KLF12: variants seen among roughly 807,000 people sequenced by gnomAD.
KLF12 encodes KLF transcription factor 12.
Under a neutral mutation model 37.8 loss-of-function variants are expected in KLF12, and 9 were observed. That is an observed-to-expected ratio of 0.24 (90% CI 0.14 to 0.42). KLF12 has a LOEUF of 0.42. Ranked by LOEUF, KLF12 falls within the 10% of genes least tolerant of loss-of-function variation. KLF12 has a pLI of 1.00. For synonymous variants in KLF12, 208 were observed against 202.1 expected (o/e 1.03, Z -0.25); for missense variants, 411 against 516.0 (o/e 0.80, Z 1.97).
intron 1 of KLF12, among the ~76,000 whole-genome samples, chr13:74,006,879 T>C (rs181958705): frequency 6.6e-6 from 1 of 152,212 alleles, no homozygotes; most frequent in African/African-American, 2.4e-5. Context: ...ATCTCTAGTC[T>C]CTGCTCTTTC....
chr13:74,297,451 T>G, the KLF12 span, among the ~76,000 whole-genome samples: 1 of 152,248 alleles, frequency 6.6e-6, no homozygotes, highest in Non-Finnish European at 1.5e-5. Context: ...TTCAATTTGC[T>G]TTGTTCAGGA....
Position 73,912,720 on chromosome 13 carries a change from G to A in KLF12, c.123+31261C>T, listed in dbSNP as rs144690844. On this transcript the variant is annotated intron_variant, in intron 3 of 7. Transcript: ENST00000377669. ...TGTTCCTTTAAGACACCACGTTTGT[G>A]GTCATTTGTTAAGGCAGCTCTTAGG... Among the ~76,000 whole-genome samples the A allele has an allele frequency of 9.7e-3, 1,481 of 152,254 alleles. 15 individuals carry two copies. The highest frequency in any genetic ancestry group is 0.016 in the Non-Finnish European group (1,104 of 68,004).
chr13:74,141,876 T>C, the KLF12 span, among the ~76,000 whole-genome samples: 101 of 152,344 alleles, frequency 6.6e-4, no homozygotes, highest in South Asian at 0.021. Context: ...GTTGCCTTTT[T>C]ACTATGTAAT....
At chr13:73,753,156 C>T (rs908411767) in intron 6 of KLF12, among the ~76,000 whole-genome samples, 3 of 152,100 alleles carry the variant, frequency 2.0e-5, no homozygotes, top group Non-Finnish European at 2.9e-5. Flanking sequence ...CCGCGGTCCC[C>T]GTCCCACCCA....
rs1238845641 is a variant in KLF12, at chr13:73,690,840, A to G, written c.*4650T>C. The G allele has an allele frequency of 6.6e-6, 1 of 152,638 alleles. No individual in the cohort carries two copies. The highest frequency in any genetic ancestry group is 1.5e-5 in the Non-Finnish European group (1 of 68,028). The allele number at this position is 152,638 out of a possible 1,614,324, so 9.5% of individuals were successfully genotyped here. A position where few individuals can be genotyped will look rare whatever the true frequency, so the allele number is the denominator to read the frequency against. Reference sequence around the variant, plus strand: ...TTCCACTATCACATATGTTACGAATACAGTAAAATATCTTCACTCTATTTT... The same window carrying G: ...TTCCACTATCACATATGTTACGAATGCAGTAAAATATCTTCACTCTATTTT... On this transcript the variant is annotated 3_prime_UTR_variant, in exon 8 of 8. Coordinates refer to ENST00000377669, the MANE Select transcript of KLF12 (RefSeq NM_007249.5).
intron 1 of KLF12, among the ~76,000 whole-genome samples, chr13:74,094,566 T>C (rs1414198447): frequency 6.6e-6 from 1 of 151,822 alleles, no homozygotes; most frequent in Non-Finnish European, 1.5e-5. Context: ...AGTAAATGCC[T>C]TTCCACCCCA....
intron 1 of KLF12, among the ~76,000 whole-genome samples, chr13:74,072,351 A>C (rs1874300587): frequency 7.5e-6 from 1 of 132,610 alleles, no homozygotes; most frequent in Non-Finnish European, 1.6e-5. Flanking sequence ...CTTTTTAAGA[A>C]TTAAGAAATA....
chr13:74,213,139 C>G, the KLF12 span, among the ~76,000 whole-genome samples: 1 of 152,020 alleles, frequency 6.6e-6, no homozygotes, highest in African/African-American at 2.4e-5. Context: ...TAAATTTTAT[C>G]TTATATTACT....
chr13:74,140,160 G>C, the KLF12 span, among the ~76,000 whole-genome samples: 321 of 152,184 alleles, frequency 2.1e-3, no homozygotes, highest in Middle Eastern at 0.01. Context: ...TTGTGTTACT[G>C]AAACAGAGAA....
At chr13:73,932,424 T>A (rs1889729125) in intron 3 of KLF12, among the ~76,000 whole-genome samples, 1 of 152,210 alleles carries the variant, frequency 6.6e-6, no homozygotes, top group African/African-American at 2.4e-5. Context: ...CCAGGTCGAA[T>A]GCCTTCAGAG....
At chr13:74,052,191 T>C (rs1030125918) in intron 1 of KLF12, among the ~76,000 whole-genome samples, 5 of 152,248 alleles carry the variant, frequency 3.3e-5, no homozygotes, top group South Asian at 2.1e-4. Flanking sequence ...AATTAAACCA[T>C]AGTCTATAAA....
At chr13:73,721,081 C>T (rs1488353823) in intron 6 of KLF12, among the ~76,000 whole-genome samples, 1 of 152,192 alleles carries the variant, frequency 6.6e-6, no homozygotes, top group African/African-American at 2.4e-5. Context: ...GGGTGTCAGG[C>T]ACCGACCTAA....
intron 1 of KLF12, among the ~76,000 whole-genome samples, chr13:74,098,044 G>C (rs1359908080): frequency 6.6e-6 from 1 of 152,098 alleles, no homozygotes; most frequent in Non-Finnish European, 1.5e-5. Context: ...CTATCAAATA[G>C]ATATTTAGAA....
At chr13:74,077,559 A>AG (rs1874639598) in intron 1 of KLF12, among the ~76,000 whole-genome samples, 1 of 152,184 alleles carries the variant, frequency 6.6e-6, no homozygotes, top group African/African-American at 2.4e-5. Flanking sequence ...CCTAAGAGCA[A>AG]GAAGTCCCAA....
intron 3 of KLF12, among the ~76,000 whole-genome samples, chr13:73,941,467 G>A (rs1890182482): frequency 6.6e-6 from 1 of 152,138 alleles, no homozygotes; most frequent in Non-Finnish European, 1.5e-5. Context: ...TCACTAATGT[G>A]TTTTTCTTAC....
At chr13:73,787,219 C>T (rs1046732760) in intron 5 of KLF12, among the ~76,000 whole-genome samples, 1 of 151,922 alleles carries the variant, frequency 6.6e-6, no homozygotes, top group Non-Finnish European at 1.5e-5. Flanking sequence ...GCTTTTTTGC[C>T]AGGGACTGTT....
the KLF12 span, among the ~76,000 whole-genome samples, chr13:74,249,013 A>G: frequency 1.3e-5 from 2 of 152,060 alleles, no homozygotes. Context: ...AATTGGAAAG[A>G]TGGGAAGTAA....
chr13:73,800,460 C>T (rs1566376602), intron 5 of KLF12: 1 of 152,016 alleles, frequency 6.6e-6, no homozygotes, highest in Non-Finnish European at 1.5e-5. Flanking sequence ...ATTTGAATTG[C>T]TTCTATAAGC....
At chr13:73,757,697 A>C (rs1879265706) in intron 6 of KLF12, among the ~76,000 whole-genome samples, 1 of 152,178 alleles carries the variant, frequency 6.6e-6, no homozygotes, top group African/African-American at 2.4e-5. Context: ...CAGTATTTCC[A>C]GCAAATGCAT....
Sources: gnomAD v4.1 joint callset for allele counts (sites outside exome capture counted in the v4.1 genomes callset) on GRCh38, gnomAD v4.1.1 for gene constraint, MANE v1.5 for transcripts, NCBI Gene and HGNC (gene_info 2026-07-23, HGNC 2026-07-21) for gene names.